ABCA12: variants seen among roughly 807,000 people sequenced by gnomAD.
ABCA12 encodes ATP binding cassette subfamily A member 12, also known as glucosylceramide transporter ABCA12.
ABCA12 carries 156 observed loss-of-function variants against 293.5 expected under a neutral mutation model. The observed-to-expected ratio is 0.53, with a 90% CI of 0.47 to 0.61. ABCA12 has a LOEUF of 0.61. Ranked by LOEUF, ABCA12 falls within the 20% of genes least tolerant of loss-of-function variation. The pLI, the probability that ABCA12 is intolerant of heterozygous loss-of-function variation, is 0.00. For missense variants in ABCA12, 2,797 were observed against 3,090.2 expected (o/e 0.91, Z 2.25); for synonymous variants, 1,063 against 1,108.0 (o/e 0.96, Z 0.81).
intron 5 of ABCA12, chr2:215,050,842 A>G: frequency 1.0e-6 from 1 of 984,720 alleles, no homozygotes; most frequent in Non-Finnish European, 1.2e-6. Flanking sequence ...AGAAAGCAGT[A>G]AAGAGAAAGA....
chr2:215,001,735 T>C lies in ABCA12; in HGVS notation c.2686A>G (p.Ile896Val). The C allele has an allele frequency of 6.2e-7, 1 of 1,612,928 alleles. No homozygotes were observed. Among genetic ancestry groups the C allele is most frequent in the Non-Finnish European group, 8.5e-7 (1 of 1,179,568 alleles). Reference protein sequence around the residue: ...ELLKQIDELDILRLKLENNID... With the variant: ...ELLKQIDELDVLRLKLENNID... ...TTGTTCTCTAATTTCAGTCTTAGAA[T>C]ATCTAAAGAGGCAAAGCAAAAGAGA... is the stretch of plus-strand genomic sequence containing the variant. The change falls in exon 21 of 53, where the codon ATT becomes GTT. Residue 896 changes from isoleucine (I) to valine (V), a missense_variant and splice_region_variant. Physicochemically the swap from Ile to Val is conservative, Grantham distance 29 (BLOSUM62 3). This residue lies in a region of ABCA12 where 2,130 missense variants were observed against 2,427.0 expected (regional missense o/e 0.88). Coordinates refer to ENST00000272895, the MANE Select transcript of ABCA12 (RefSeq NM_173076.3).
chr2:214,949,532 A>G (rs544217416), intron 45 of ABCA12, among the ~76,000 whole-genome samples: 17 of 152,276 alleles, frequency 1.1e-4, no homozygotes, highest in Non-Finnish European at 2.1e-4. Context: ...ACAAAATCAC[A>G]ACTTCACTGA....
At chr2:214,989,920 A>T (rs1001936308) in intron 24 of ABCA12, among the ~76,000 whole-genome samples, 1 of 152,216 alleles carries the variant, frequency 6.6e-6, no homozygotes, top group Non-Finnish European at 1.5e-5. Flanking sequence ...ATAGTTAATT[A>T]TGGAGTAATT....
At chr2:215,007,212 A>G (rs1700274618) in intron 19 of ABCA12, among the ~76,000 whole-genome samples, 1 of 152,136 alleles carries the variant, frequency 6.6e-6, no homozygotes. Context: ...TGCTTCCTTA[A>G]GTGGCCTTAA....
intron 38 of ABCA12, among the ~76,000 whole-genome samples, chr2:214,967,936 C>A (rs762340162): frequency 6.6e-6 from 1 of 152,098 alleles, no homozygotes; most frequent in Non-Finnish European, 1.5e-5. Flanking sequence ...GAATATGCAT[C>A]TGATCCCGTG....
At chr2:214,943,093 A>G in intron 49 of ABCA12, 76 bp from the exon 50 acceptor site, 1 of 1,104,976 alleles carries the variant, frequency 9.0e-7, no homozygotes, top group South Asian at 1.3e-5. Flanking sequence ...CATAAGCATA[A>G]TTGTTTCATT....
chr2:215,031,894 C>G lies in ABCA12; in HGVS notation c.988G>C (p.Asp330His). 1 of 1,613,640 alleles carries G rather than the reference C, an allele frequency of 6.2e-7. No homozygotes were observed. Residue 330 changes from aspartate to histidine, a missense_variant and splice_region_variant, in exon 9 of 53, where the codon GAC (aspartate) becomes CAC (histidine). By Grantham distance (81) the Asp-to-His change is moderately conservative. Transcript: ENST00000272895. ...LYTLDSPAQG[D>H]SDNITHVWNE... ...CACACATGCGTTATATTATCGGAGT[C>G]ACCTGAAGTAATAATTTTTATATAG...
intron 36 of ABCA12, among the ~76,000 whole-genome samples, chr2:214,972,909 G>A (rs1026293951): frequency 3.3e-5 from 5 of 151,984 alleles, no homozygotes; most frequent in Non-Finnish European, 5.9e-5. Flanking sequence ...AACTCCCAAG[G>A]CTCAAGCTAT....
chr2:215,114,269 G>A lies in ABCA12; in HGVS notation c.70-2579C>T, dbSNP rs908426052. 2.5e-4 allele frequency among the ~76,000 whole-genome samples: 38 copies of A among 152,050 alleles called. 1 individual carries two copies. Among genetic ancestry groups the A allele is most frequent in the Admixed American group, 3.3e-4 (5 of 15,264 alleles). On this transcript the variant is annotated intron_variant, in intron 1 of 52. Transcript: ENST00000272895. The stretch of plus-strand genomic sequence containing the variant: ...ATTACAGGCGTTAGTCACCGCACCC[G>A]GCCAAATTTGCTTTCTTAATACTTT...
At chr2:215,068,467 A>G (rs1243525172) in intron 2 of ABCA12, among the ~76,000 whole-genome samples, 1 of 152,160 alleles carries the variant, frequency 6.6e-6, no homozygotes, top group Non-Finnish European at 1.5e-5. Context: ...AACAGGCAAT[A>G]GGCTGGAATT....
intron 2 of ABCA12, among the ~76,000 whole-genome samples, chr2:215,068,711 C>T (rs928748152): frequency 1.3e-5 from 2 of 151,990 alleles, no homozygotes; most frequent in Non-Finnish European, 2.9e-5. Flanking sequence ...CTTCTTTTCC[C>T]TTTTCCTCCT....
chr2:215,138,396 C>T lies in ABCA12; in HGVS notation c.-188G>A. On this transcript the variant is annotated 5_prime_UTR_variant, in exon 1 of 53. Transcript: ENST00000272895. ...GCTGGATTTTTCCCTGTGGTTAATC[C>T]TTAACCAAGAGGCACTTCTCAATCA... 1 of 648,972 alleles carries T rather than the reference C, an allele frequency of 1.5e-6. No homozygotes were observed. Among genetic ancestry groups the T allele is most frequent in the Admixed American group, 2.4e-5 (1 of 41,358 alleles). The allele number at this position is 648,972 out of a possible 1,614,324, so 40.2% of individuals were successfully genotyped here.
At chr2:215,045,154 T>A (rs1701175976) in intron 7 of ABCA12, among the ~76,000 whole-genome samples, 2 of 152,164 alleles carry the variant, frequency 1.3e-5, no homozygotes, top group South Asian at 4.1e-4. Context: ...TAGTTGGATT[T>A]TTAAGGCTCA....
chr2:215,055,457 C>T (rs978261600), intron 3 of ABCA12, among the ~76,000 whole-genome samples: 1 of 152,004 alleles, frequency 6.6e-6, no homozygotes, highest in South Asian at 2.1e-4. Context: ...AAAGCTCGTG[C>T]CTAAAATAAG....
At position 214,937,506 on chromosome 2, in the gene ABCA12, T is replaced by A; in HGVS notation, c.7542+4A>T. On this transcript the variant is annotated splice_donor_region_variant and intron_variant, in intron 51 of 52. Transcript: ENST00000272895. ...AGCCACTGCACCCAGCCATCATCAC[T>A]TACTTTTAAGTATGTTTTTGGAAAG... 2 of 1,611,178 alleles carry A rather than the reference T, an allele frequency of 1.2e-6. No homozygotes were observed. Among genetic ancestry groups the A allele is most frequent in the Non-Finnish European group, 1.7e-6 (2 of 1,177,468 alleles).
At chr2:214,995,733 A>AC (rs1178922823) in intron 23 of ABCA12, among the ~76,000 whole-genome samples, 7 of 152,314 alleles carry the variant, frequency 4.6e-5, no homozygotes, top group African/African-American at 9.6e-5. Flanking sequence ...AATTTAGAAC[A>AC]CATTGAGGAT....
In ABCA12 at chr2:214,979,010, C is replaced by A; in HGVS notation, c.4771G>T (p.Asp1591Tyr). 6.2e-7 allele frequency: 1 copy of A among 1,613,982 alleles called. No homozygotes were observed. Among genetic ancestry groups the A allele is most frequent in the Non-Finnish European group, 8.5e-7 (1 of 1,179,958 alleles). The change falls in exon 32 of 53, where the codon GAC (aspartate) becomes TAC (tyrosine). Residue 1591 changes from aspartate (D) to tyrosine (Y), a missense_variant. This residue lies in a region of ABCA12 where 2,130 missense variants were observed against 2,427.0 expected (regional missense o/e 0.88). Transcript: ENST00000272895. ...SPNLNANAVC[D>Y]TMAVTAMIQS... ...ATCATTGCTGTCACGGCCATGGTGT[C>A]ACATACTGCATTTGCATTTAAATTT...
chr2:215,105,932 CA>C (rs904863152), intron 2 of ABCA12, among the ~76,000 whole-genome samples: 4 of 151,960 alleles, frequency 2.6e-5, no homozygotes, highest in Non-Finnish European at 4.4e-5. Context: ...ACAACAACAA[CA>C]AAAAAACCTA....
chr2:214,968,612 G>C, intron 38 of ABCA12, 108 bp downstream of exon 38: 6 of 1,074,842 alleles, frequency 5.6e-6, no homozygotes, highest in Non-Finnish European at 8.5e-6. Context: ...TATGCACAAT[G>C]CCAAATCGAT....
Sources: gnomAD v4.1 joint callset for allele counts (sites outside exome capture counted in the v4.1 genomes callset) on GRCh38, gnomAD v4.1.1 for gene constraint, gnomAD v4.1.1 regional missense constraint, MANE v1.5 for transcripts, NCBI Gene and HGNC (gene_info 2026-07-23, HGNC 2026-07-21) for gene names.